Variants in KCNH5 observed in about 807,000 individuals in gnomAD.
KCNH5 encodes the protein potassium voltage-gated channel subfamily H member 5, also known as voltage-gated delayed rectifier potassium channel KCNH5.
KCNH5 carries 46 observed loss-of-function variants against 96.1 expected under a neutral mutation model. That is an observed-to-expected ratio of 0.48 (90% CI 0.38 to 0.61). The LOEUF (loss-of-function observed/expected upper bound fraction) is 0.61, where lower values mean the gene tolerates loss of function less well. Ranked by LOEUF, KCNH5 falls within the 20% of genes least tolerant of loss-of-function variation. The probability of loss-of-function intolerance (pLI) is 0.00; values close to 1 mark genes in which losing one functional copy is unlikely to be tolerated. For synonymous variants in KCNH5, 439 were observed against 449.8 expected (o/e 0.98, Z 0.30); for missense variants, 907 against 1,225.8 (o/e 0.74, Z 3.88).
intron 7 of KCNH5, among the ~76,000 whole-genome samples, chr14:62,871,231 G>A (rs1416820877): frequency 6.6e-6 from 1 of 152,048 alleles, no homozygotes; most frequent in African/African-American, 2.4e-5. Flanking sequence ...CTATCCCCAG[G>A]GAAACCGTAG....
At chr14:62,791,477 T>A (rs1886433427) in intron 9 of KCNH5, among the ~76,000 whole-genome samples, 1 of 151,588 alleles carries the variant, frequency 6.6e-6, no homozygotes, top group African/African-American at 2.4e-5. Flanking sequence ...AAAGACAGGG[T>A]GGCTGAATGG....
intron 6 of KCNH5, among the ~76,000 whole-genome samples, chr14:62,980,549 C>T (rs1320990805): frequency 6.6e-6 from 1 of 152,106 alleles, no homozygotes; most frequent in African/African-American, 2.4e-5. Flanking sequence ...ATTACTTTTG[C>T]ACCAATCTAA....
At chr14:62,989,774 A>G (rs528730312) in intron 4 of KCNH5, among the ~76,000 whole-genome samples, 1 of 152,222 alleles carries the variant, frequency 6.6e-6, no homozygotes, top group East Asian at 1.9e-4. Flanking sequence ...AATCAATTGT[A>G]TTTGTAACTT....
chr14:63,015,477 C>T (rs564823726), intron 2 of KCNH5, among the ~76,000 whole-genome samples: 3 of 152,156 alleles, frequency 2.0e-5, no homozygotes, highest in Non-Finnish European at 4.4e-5. Context: ...CTCTGCCTTT[C>T]TCTCTCTGTA....
chr14:62,854,491 G>A (rs542434162), intron 7 of KCNH5, among the ~76,000 whole-genome samples: 2 of 152,174 alleles, frequency 1.3e-5, no homozygotes, highest in South Asian at 4.2e-4. Flanking sequence ...CCATATTAAG[G>A]TAAAAATAAA....
chr14:63,001,791 A>G (rs1463455577), intron 3 of KCNH5, among the ~76,000 whole-genome samples: 15 of 152,088 alleles, frequency 9.9e-5, no homozygotes. Flanking sequence ...TCCCTCAACC[A>G]CTGCTGCTCT....
At chr14:62,869,330 C>T (rs1193816131) in intron 7 of KCNH5, among the ~76,000 whole-genome samples, 1 of 150,566 alleles carries the variant, frequency 6.6e-6, no homozygotes, top group African/African-American at 2.4e-5. Flanking sequence ...ATATAAATGT[C>T]TTCTTTTGAG....
chr14:62,993,925 TCATGG>T (rs1008565924), intron 4 of KCNH5, among the ~76,000 whole-genome samples: 4 of 152,062 alleles, frequency 2.6e-5, no homozygotes, highest in African/African-American at 9.7e-5. Flanking sequence ...TGTAAGTTGT[TCATGG>T]CATTATGAGA....
At chr14:63,033,107 T>A (rs1702036579) in intron 1 of KCNH5, among the ~76,000 whole-genome samples, 1 of 152,114 alleles carries the variant, frequency 6.6e-6, no homozygotes, top group South Asian at 2.1e-4. Context: ...ATATCTTGCG[T>A]CGACTACCGC....
intron 7 of KCNH5, among the ~76,000 whole-genome samples, chr14:62,919,468 T>A (rs1889339805): frequency 6.6e-6 from 1 of 152,158 alleles, no homozygotes; most frequent in South Asian, 2.1e-4. Flanking sequence ...ATGATTAAAT[T>A]GAGAGCATCT....
rs527442825 is a variant in KCNH5 at position 62,843,524 on chromosome 14, G to C, written c.1569+6129C>G. Among the ~76,000 whole-genome samples, 7 of 148,310 alleles carry C rather than the reference G, an allele frequency of 4.7e-5. No individual in the cohort carries two copies. In the East Asian group the frequency reaches 1.2e-3, roughly 26 times the overall value. The stretch of plus-strand genomic sequence containing the variant: ...CCTCCCGGGTTCAAGCAATTCTCCT[G>C]CCTCAGCCTCCTGAGTAGCTGGGAC... On this transcript the variant is annotated intron_variant, in intron 8 of 10. Coordinates refer to ENST00000322893, the MANE Select transcript of KCNH5 (RefSeq NM_139318.5).
At chr14:62,795,807 C>A (rs962689274) in intron 9 of KCNH5, among the ~76,000 whole-genome samples, 2 of 152,012 alleles carry the variant, frequency 1.3e-5, no homozygotes, top group Admixed American at 6.6e-5. Flanking sequence ...TACTAAGAAC[C>A]CTGTATAGGC....
Position 62,779,871 on chromosome 14 carries a change from C to T in KCNH5, c.1876G>A (p.Ala626Thr), listed in dbSNP as rs1356107389. The change falls in exon 10 of 11, where the codon GCA (alanine) becomes ACA (threonine). Residue 626 changes from alanine (A) to threonine (T), a missense_variant. Ala to Thr is a moderately conservative substitution (Grantham distance 58). Around this residue, in one of 6 missense-constraint regions of KCNH5, gnomAD observed 57 missense variants for 76.0 expected, o/e 0.75. Transcript: ENST00000322893. ...GTCAGTGCCCGGACGTTCGCACATG[C>T]ATGGGCAAGGGTGGTTTCCTTCCAG... ...IFWKETTLAH[A>T]CANVRALTYC... 1 of 1,613,852 alleles carries T rather than the reference C, an allele frequency of 6.2e-7. No homozygotes were observed. The highest frequency in any genetic ancestry group is 8.5e-7 in the Non-Finnish European group (1 of 1,179,798).
rs1338508420 is a variant in KCNH5 at position 62,702,063 on chromosome 14, A to C, written c.*5445T>G. On this transcript the variant is annotated 3_prime_UTR_variant, in exon 11 of 11. Transcript: ENST00000322893. ...AAAGAAAAAGAAATTATAGAAAAAAAATCCTGAATGACTCTTGCTTTCCTT... is the reference window on the plus strand; with the variant it reads ...AAAGAAAAAGAAATTATAGAAAAAACATCCTGAATGACTCTTGCTTTCCTT... The C allele has an allele frequency of 1.3e-5, 2 of 152,138 alleles. No individual in the cohort carries two copies. The allele number at this position is 152,138 out of a possible 1,614,324, so 9.4% of individuals were successfully genotyped here. A position where few individuals can be genotyped will look rare whatever the true frequency, so the allele number is the denominator to read the frequency against.
chr14:62,840,700 A>G (rs759137655), intron 8 of KCNH5, among the ~76,000 whole-genome samples: 4 of 147,772 alleles, frequency 2.7e-5, no homozygotes, highest in Admixed American at 6.8e-5. Flanking sequence ...CCTCCGAAGT[A>G]GCTGGATTAC....
chr14:62,958,861 T>C (rs927125087), intron 6 of KCNH5, among the ~76,000 whole-genome samples: 1 of 152,282 alleles, frequency 6.6e-6, no homozygotes, highest in East Asian at 1.9e-4. Flanking sequence ...CTGTTTTTCT[T>C]GTAAATTTAC....
intron 7 of KCNH5, among the ~76,000 whole-genome samples, chr14:62,935,328 T>C (rs1409843066): frequency 6.6e-6 from 1 of 152,158 alleles, no homozygotes; most frequent in Admixed American, 6.5e-5. Flanking sequence ...GGATACAGAG[T>C]GGAACTAGAA....
chr14:62,829,913 A>C (rs1887307859), intron 8 of KCNH5, among the ~76,000 whole-genome samples: 1 of 152,174 alleles, frequency 6.6e-6, no homozygotes, highest in Non-Finnish European at 1.5e-5. Context: ...ATAAGTTTCA[A>C]TGTCAGATTA....
At chr14:62,954,595 A>G (rs547586263) in intron 6 of KCNH5, among the ~76,000 whole-genome samples, 3 of 152,238 alleles carry the variant, frequency 2.0e-5, no homozygotes, top group Non-Finnish European at 4.4e-5. Flanking sequence ...AAAACAGTCA[A>G]TGTAACTTAG....
Sources: allele counts gnomAD v4.1 joint callset (sites outside exome capture counted in the v4.1 genomes callset), GRCh38; gene constraint gnomAD v4.1.1; regional missense constraint gnomAD v4.1.1; transcripts MANE v1.5; gene names NCBI Gene and HGNC (gene_info 2026-07-23, HGNC 2026-07-21).